RARB: variants seen among roughly 807,000 people sequenced by gnomAD.
RARB encodes HBV-activated protein.
RARB carries 17 observed loss-of-function variants against 51.9 expected under a neutral mutation model. The observed-to-expected ratio is 0.33, with a 90% CI of 0.22 to 0.49. The LOEUF is 0.49. RARB is among the 20% of genes least tolerant of loss of function. The pLI, the probability that RARB is intolerant of heterozygous loss-of-function variation, is 0.99. For missense variants in RARB, 369 were observed against 550.8 expected (o/e 0.67, Z 3.30); for synonymous variants, 215 against 195.4 (o/e 1.10, Z -0.84).
chr3:25,323,892 C>G (rs77291579), intron 5 of RARB, among the ~76,000 whole-genome samples: 3 of 152,112 alleles, frequency 2.0e-5, no homozygotes, highest in Non-Finnish European at 1.5e-5. Flanking sequence ...TCTTAAACAC[C>G]ATTCACATTC....
intron 5 of RARB, among the ~76,000 whole-genome samples, chr3:25,247,467 T>C (rs954936945): frequency 6.6e-6 from 1 of 152,196 alleles, no homozygotes; most frequent in African/African-American, 2.4e-5. Flanking sequence ...CACAAGGGAA[T>C]CTCCTGGTCT....
intron 2 of RARB, among the ~76,000 whole-genome samples, chr3:24,974,126 T>G (rs1696459390): frequency 6.6e-6 from 1 of 152,132 alleles, no homozygotes; most frequent in African/African-American, 2.4e-5. Context: ...GTGTGTTCTT[T>G]CTATACCCAG....
chr3:25,420,117 T>C (rs1390853615), intron 5 of RARB, among the ~76,000 whole-genome samples: 6 of 152,158 alleles, frequency 3.9e-5, no homozygotes, highest in African/African-American at 1.4e-4. Flanking sequence ...TGTGTGTGTA[T>C]AATGTGCTTT....
At chr3:25,057,919 T>C (rs1377775000) in intron 2 of RARB, among the ~76,000 whole-genome samples, 1 of 152,020 alleles carries the variant, frequency 6.6e-6, no homozygotes. Context: ...TATAGAATTG[T>C]GGTACAAAGA....
At chr3:25,514,673 A>G (rs1490839093) in intron 3 of RARB, among the ~76,000 whole-genome samples, 1 of 152,220 alleles carries the variant, frequency 6.6e-6, no homozygotes, top group Non-Finnish European at 1.5e-5. Context: ...TTGGTTTAGC[A>G]ACATTGTTTA....
intron 3 of RARB, among the ~76,000 whole-genome samples, chr3:25,065,853 C>G (rs1698650412): frequency 6.6e-6 from 1 of 152,174 alleles, no homozygotes. Context: ...CCACTGTTAC[C>G]TGGTATATCC....
At chr3:25,063,038 C>A (rs965249703) in intron 3 of RARB, among the ~76,000 whole-genome samples, 2 of 151,854 alleles carry the variant, frequency 1.3e-5, no homozygotes, top group South Asian at 4.1e-4. Flanking sequence ...CAGACGAGAA[C>A]TGTGTAACTT....
chr3:24,874,793 T>A (rs927441339), intron 2 of RARB, among the ~76,000 whole-genome samples: 2 of 152,038 alleles, frequency 1.3e-5, no homozygotes, highest in African/African-American at 4.8e-5. Flanking sequence ...AATTTTAAAT[T>A]GTTTATATTT....
intron 5 of RARB, chr3:25,174,617 T>C (rs1161915565): frequency 7.5e-7 from 1 of 1,342,152 alleles, no homozygotes; most frequent in Admixed American, 1.9e-5. Context: ...CTGGGTTGAT[T>C]GGATGAAGGG....
At chr3:25,421,031 G>T (rs80336414) in intron 5 of RARB, among the ~76,000 whole-genome samples, 6,667 of 145,266 alleles carry the variant, frequency 0.046, 483 homozygotes, top group African/African-American at 0.16. Context: ...GATCTATTAT[G>T]ATCTATTTCC....
At chr3:25,244,090 A>C (rs1257119644) in intron 5 of RARB, among the ~76,000 whole-genome samples, 3 of 152,086 alleles carry the variant, frequency 2.0e-5, no homozygotes, top group African/African-American at 7.2e-5. Context: ...TTTCTAGTTT[A>C]TTTATGTAAA....
chr3:24,913,994 T>C (rs1490428325), intron 2 of RARB, among the ~76,000 whole-genome samples: 2 of 152,158 alleles, frequency 1.3e-5, no homozygotes, highest in African/African-American at 4.8e-5. Context: ...TACACACAAG[T>C]CAGCCAGATG....
At chr3:25,028,692 C>A (rs1028705233) in intron 2 of RARB, among the ~76,000 whole-genome samples, 3 of 152,112 alleles carry the variant, frequency 2.0e-5, no homozygotes, top group African/African-American at 7.2e-5. Context: ...CCGGGAGAGC[C>A]ATGTACAGAG....
chr3:25,240,776 A>G (rs1452050151), intron 5 of RARB, among the ~76,000 whole-genome samples: 1 of 152,150 alleles, frequency 6.6e-6, no homozygotes, highest in Non-Finnish European at 1.5e-5. Flanking sequence ...TATCAGGGAT[A>G]TTAGCCTGTA....
chr3:25,570,919 A>G lies in RARB; in HGVS notation c.609+1001A>G, dbSNP rs569669688. Reference sequence around the variant, plus strand: ...ATAGCATGGGAGGTCCTGAAGATCAAAAGACAAAATAGTGATACCAGAAAG... The same window carrying G: ...ATAGCATGGGAGGTCCTGAAGATCAGAAGACAAAATAGTGATACCAGAAAG... On this transcript the variant is annotated intron_variant, in intron 4 of 7. Coordinates refer to ENST00000330688, the MANE Select transcript of RARB (RefSeq NM_000965.5). Among the ~76,000 whole-genome samples, 33 of 151,306 alleles carry G rather than the reference A, an allele frequency of 2.2e-4. No individual in the cohort carries two copies. In the South Asian group the frequency reaches 6.1e-3, roughly 28 times the overall value.
intron 3 of RARB, among the ~76,000 whole-genome samples, chr3:25,530,608 T>C (rs910218512): frequency 6.6e-6 from 1 of 152,232 alleles, no homozygotes; most frequent in African/African-American, 2.4e-5. Context: ...ATTACATTGC[T>C]CTGATTGTAA....
At chr3:25,014,439 A>G (rs1031999655) in intron 2 of RARB, among the ~76,000 whole-genome samples, 37 of 152,152 alleles carry the variant, frequency 2.4e-4, no homozygotes, top group African/African-American at 5.3e-4. Context: ...TAGTCAGTGT[A>G]AAAACAAAGA....
At chr3:24,923,882 G>A (rs1016315043) in intron 2 of RARB, among the ~76,000 whole-genome samples, 1 of 152,166 alleles carries the variant, frequency 6.6e-6, no homozygotes. Context: ...TTTGGAGTGG[G>A]AGGAAGTGAA....
At chr3:25,245,792 T>A (rs1702545030) in intron 5 of RARB, among the ~76,000 whole-genome samples, 2 of 152,144 alleles carry the variant, frequency 1.3e-5, no homozygotes, top group Admixed American at 6.5e-5. Context: ...TTGGGGTTGC[T>A]CTTCTCGAGG....
Sources: gnomAD v4.1 joint callset for allele counts (sites outside exome capture counted in the v4.1 genomes callset) on GRCh38, gnomAD v4.1.1 for gene constraint, MANE v1.5 for transcripts, NCBI Gene and HGNC (gene_info 2026-07-23, HGNC 2026-07-21) for gene names.